The following SCN10A variants were observed in gnomAD, a reference collection of about 807,000 sequenced individuals.
The protein encoded by SCN10A is sodium voltage-gated channel alpha subunit 10, also known as sodium channel protein type 10 subunit alpha.
A neutral mutation model predicts 170.7 loss-of-function variants in SCN10A; 162 were observed. The ratio of observed to expected loss-of-function variants is 0.95; its 90% CI spans 0.84 to 1.08. The LOEUF (loss-of-function observed/expected upper bound fraction) is 1.08. Among genes scored for constraint, SCN10A ranks in the 50% least tolerant of loss-of-function variants. The probability of loss-of-function intolerance (pLI) is 0.00; values close to 1 mark genes in which losing one functional copy is unlikely to be tolerated. For missense variants in SCN10A, 2,527 were observed against 2,436.9 expected, an observed-to-expected ratio of 1.04 and a Z score of -0.78; for synonymous variants, 985 against 904.6, an observed-to-expected ratio of 1.09 and a Z score of -1.59.
intron 4 of SCN10A, among the ~76,000 whole-genome samples, chr3:38,782,888 G>A (rs1021040476): frequency 3.9e-5 from 6 of 152,068 alleles, no homozygotes; most frequent in Non-Finnish European, 8.8e-5. Context: ...GTCAGCCTTT[G>A]TTGCCTTAAC....
At chr3:38,760,585 A>G in intron 8 of SCN10A, 96 bp downstream of exon 8, 1 of 944,544 alleles carries the variant, frequency 1.1e-6, no homozygotes, top group South Asian at 1.4e-5. Context: ...CATCTTTCCC[A>G]GGACCTGCAA....
Position 38,781,240 on chromosome 3 carries a change from A to G in SCN10A, c.470+7716T>C, listed in dbSNP as rs561614357. On this transcript the variant is annotated intron_variant, in intron 4 of 27. Coordinates refer to ENST00000449082, the MANE Select transcript of SCN10A (RefSeq NM_006514.4). The stretch of plus-strand genomic sequence containing the variant: ...CTGGACTGAGAAGAAGCTCCAAAGC[A>G]CTTCCCAAAACCCAACTTGCACCAA... 3.3e-5 allele frequency among the ~76,000 whole-genome samples: 5 copies of G among 152,216 alleles called. No individual in the cohort carries two copies. In the East Asian group the frequency reaches 9.7e-4, roughly 29 times the overall value.
intron 23 of SCN10A, among the ~76,000 whole-genome samples, chr3:38,711,433 T>A (rs1208558171): frequency 6.6e-6 from 1 of 152,248 alleles, no homozygotes; most frequent in Non-Finnish European, 1.5e-5. Context: ...CCTAGGCCTG[T>A]TACAGCACTT....
intron 20 of SCN10A, among the ~76,000 whole-genome samples, chr3:38,720,303 G>A (rs1218080712): frequency 6.6e-6 from 1 of 152,204 alleles, no homozygotes; most frequent in Non-Finnish European, 1.5e-5. Context: ...GAGATAATAT[G>A]AGACTATTTA....
chr3:38,724,915 G>A (rs1170755007), intron 18 of SCN10A, among the ~76,000 whole-genome samples: 1 of 152,214 alleles, frequency 6.6e-6, no homozygotes, highest in South Asian at 2.1e-4. Flanking sequence ...CCCACAGCTT[G>A]TGGAGTCTCA....
intron 14 of SCN10A, among the ~76,000 whole-genome samples, chr3:38,741,631 T>C (rs992909504): frequency 3.9e-5 from 6 of 152,184 alleles, no homozygotes; most frequent in Non-Finnish European, 5.9e-5. Flanking sequence ...ATCCAGTATA[T>C]AGTGAAATCC....
In SCN10A at chr3:38,795,345, T is replaced by TC. The variant is rs1469037882; in HGVS notation, c.-32-1304_-32-1303insG. ...CTTTTTTGTTTTTTTCTTTTTCTTT[T>TC]TCTTTTTTTTTTTTTGAGACAGGGT... On this transcript the variant is annotated intron_variant, in intron 1 of 27. Transcript: ENST00000449082. Among the ~76,000 whole-genome samples, 48 of 143,888 alleles carry TC rather than the reference T, an allele frequency of 3.3e-4. 1 individual carries two copies. Among genetic ancestry groups the TC allele is most frequent in the African/African-American group, 1.1e-3 (42 of 37,644 alleles). 94.4% of individuals were successfully genotyped at this position (143,888 alleles called of 152,430 possible).
intron 4 of SCN10A, 119 bp downstream of exon 4, chr3:38,788,837 T>G (rs1184086854): frequency 3.0e-6 from 2 of 671,968 alleles, no homozygotes; most frequent in East Asian, 2.7e-5. Flanking sequence ...ATATAGACAA[T>G]GAGATTCAGC....
chr3:38,702,417 T>C (rs573125212), intron 26 of SCN10A, among the ~76,000 whole-genome samples: 1 of 152,332 alleles, frequency 6.6e-6, no homozygotes, highest in South Asian at 2.1e-4. Context: ...CAGTCTTGAG[T>C]AATCCATCTC....
Position 38,752,210 on chromosome 3 carries a change from C to CA in SCN10A, c.1755+8dup. 4 of 1,501,220 alleles carry CA rather than the reference C, an allele frequency of 2.7e-6. No individual in the cohort carries two copies. The highest frequency in any genetic ancestry group is 3.6e-6 in the Non-Finnish European group (4 of 1,124,112). 93.0% of individuals were successfully genotyped at this position (1,501,220 alleles called of 1,614,324 possible). ...AGCCTGAGGGAGTCTGAAGCATTCACAAACTCACCGAGACATCGACAGCTC... is the reference window on the plus strand; with the variant it reads ...AGCCTGAGGGAGTCTGAAGCATTCACAAAACTCACCGAGACATCGACAGCTC... On this transcript the variant is annotated intron_variant, in intron 12 of 27. Transcript: ENST00000449082.
intron 4 of SCN10A, among the ~76,000 whole-genome samples, chr3:38,774,285 T>C (rs984848576): frequency 7.2e-5 from 11 of 152,180 alleles, no homozygotes; most frequent in African/African-American, 2.4e-4. Flanking sequence ...GAAGCTTTGA[T>C]GGATATTTCT....
chr3:38,796,871 G>A (rs551871680), intron 1 of SCN10A, among the ~76,000 whole-genome samples: 6 of 152,034 alleles, frequency 3.9e-5, no homozygotes, highest in Non-Finnish European at 8.8e-5. Flanking sequence ...TAAGCTCAGT[G>A]AGAGCTGGAC....
At chr3:38,703,187 AT>A (rs2063175035) in intron 26 of SCN10A, among the ~76,000 whole-genome samples, 1 of 152,102 alleles carries the variant, frequency 6.6e-6, no homozygotes, top group Non-Finnish European at 1.5e-5. Context: ...TCACTTCTTC[AT>A]TACTGCCGCT....
In SCN10A at chr3:38,728,560, C is replaced by G. The variant is rs761102708; in HGVS notation, c.2622G>C (p.Met874Ile). 8 of 1,592,576 alleles carry G rather than the reference C, an allele frequency of 5.0e-6. No homozygotes were observed. The highest frequency in any genetic ancestry group is 6.0e-6 in the Non-Finnish European group (7 of 1,166,386). Residue 874 changes from methionine to isoleucine, a missense_variant, in exon 16 of 28, where the codon ATG (methionine) becomes ATC (isoleucine). Met to Ile is a conservative substitution (Grantham distance 10, BLOSUM62 1). Coordinates refer to ENST00000449082, the MANE Select transcript of SCN10A (RefSeq NM_006514.4). Reference sequence around the variant, plus strand: ...CACTCACCACCAGGTTCCCTAGCACCATCACCGTCAAGAAAAGGATGAGGC... The same window carrying G: ...CACTCACCACCAGGTTCCCTAGCACGATCACCGTCAAGAAAAGGATGAGGC... ...SICLILFLTV[M>I]VLGNLVVLNL... is the part of the protein sequence containing the mutation.
intron 1 of SCN10A, among the ~76,000 whole-genome samples, chr3:38,795,947 G>A (rs1033937352): frequency 7.9e-5 from 12 of 152,090 alleles, no homozygotes; most frequent in African/African-American, 2.4e-4. Flanking sequence ...GTGGCAGAAC[G>A]GTACTTAAAC....
rs75276273 is a variant in SCN10A at position 38,723,208 on chromosome 3, C to T, written c.3352+222G>A. ...TTTTGAGGGTAAAGAGGAAGGCCCA[C>T]GTCTCTCCGTAGTGTCTGATAGGGC... On this transcript the variant is annotated intron_variant, in intron 19 of 27. Transcript: ENST00000449082. Among the ~76,000 whole-genome samples the T allele has an allele frequency of 3.5e-3, 538 of 152,252 alleles. 4 individuals are homozygous for T. The highest frequency in any genetic ancestry group is 0.012 in the African/African-American group (503 of 41,528).
chr3:38,735,978 G>A (rs1326950466), intron 15 of SCN10A, among the ~76,000 whole-genome samples: 1 of 152,214 alleles, frequency 6.6e-6, no homozygotes, highest in African/African-American at 2.4e-5. Context: ...TAAATGCCAG[G>A]TTAATTTGAT....
intron 1 of SCN10A, among the ~76,000 whole-genome samples, chr3:38,802,238 C>G (rs552856040): frequency 1.3e-5 from 2 of 152,240 alleles, no homozygotes; most frequent in African/African-American, 4.8e-5. Flanking sequence ...TGGCCAGCTT[C>G]CCAGACCCTT....
Position 38,714,070 on chromosome 3 carries a change from A to G in SCN10A, c.3692T>C (p.Ile1231Thr), listed in dbSNP as rs147130891. The G allele has an allele frequency of 7.9e-5, 127 of 1,614,050 alleles. No homozygotes were observed. Among genetic ancestry groups the G allele is most frequent in the Non-Finnish European group, 1.0e-4 (121 of 1,180,030 alleles). The change falls in exon 22 of 28, where the codon ATA becomes ACA. Residue 1231 changes from isoleucine to threonine, a missense_variant. By Grantham distance (89) the Ile-to-Thr change is moderately conservative. Coordinates refer to ENST00000449082, the MANE Select transcript of SCN10A (RefSeq NM_006514.4). ...TTCCAGAATCTTCGCTGTGAGACTT[A>G]TCAGTGAGATCTGAGTGCAGGAGAG... ...LDFLIVNISLISLTAKILEYS... is the reference protein window; with the variant it reads ...LDFLIVNISLTSLTAKILEYS...
Sources: allele counts gnomAD v4.1 joint callset (sites outside exome capture counted in the v4.1 genomes callset), GRCh38; gene constraint gnomAD v4.1.1; transcripts MANE v1.5; gene names NCBI Gene and HGNC (gene_info 2026-07-23, HGNC 2026-07-21).